Variants in ENO4 observed in about 807,000 individuals in gnomAD.
ENO4 encodes 2-phospho-D-glycerate hydro-lyase.
Under a neutral mutation model 63.2 loss-of-function variants are expected in ENO4, and 53 were observed. The ratio of observed to expected loss-of-function variants is 0.84; its 90% CI spans 0.67 to 1.05. ENO4 has a LOEUF of 1.05. ENO4 is among the 50% of genes least tolerant of loss of function. The pLI, the probability that ENO4 is intolerant of heterozygous loss-of-function variation, is 0.00. For synonymous variants in ENO4, 266 were observed against 283.8 expected (o/e 0.94, Z 0.63); for missense variants, 719 against 772.0 (o/e 0.93, Z 0.81).
chr10:116,860,207 C>A lies in ENO4; in HGVS notation c.635-587C>A, dbSNP rs117561545. Among the ~76,000 whole-genome samples the A allele has an allele frequency of 3.7e-4, 56 of 152,270 alleles. No homozygotes were observed. The East Asian group carries it at 8.9e-3, about 24-fold the overall frequency. ...CTAGAGATATATGATGGACTCTGTC[C>A]GGACCTCATGAGACAGGGAGGCTGA... On this transcript the variant is annotated intron_variant, in intron 4 of 13. Coordinates refer to ENST00000341276, the MANE Select transcript of ENO4 (RefSeq NM_001242699.2).
At chr10:116,891,724 A>C (rs1410804765) in intron 10 of ENO4, among the ~76,000 whole-genome samples, 2 of 151,904 alleles carry the variant, frequency 1.3e-5, no homozygotes, top group African/African-American at 4.8e-5. Context: ...ATTTTAATAC[A>C]CTTGTCCAAA....
intron 10 of ENO4, among the ~76,000 whole-genome samples, chr10:116,902,609 C>A (rs1192888754): frequency 2.6e-5 from 4 of 152,298 alleles, no homozygotes; most frequent in African/African-American, 9.6e-5. Context: ...GCATATCAAT[C>A]TAAAAATTCT....
chr10:116,903,087 C>T (rs1395466106), intron 10 of ENO4, among the ~76,000 whole-genome samples: 1 of 152,188 alleles, frequency 6.6e-6, no homozygotes, highest in Non-Finnish European at 1.5e-5. Context: ...TGTTGGACAC[C>T]TCTCTGAGCC....
Position 116,874,109 on chromosome 10 carries a change from T to C in ENO4, c.1249T>C (p.Tyr417His). The C allele has an allele frequency of 1.9e-6, 3 of 1,549,856 alleles. No individual in the cohort carries two copies. The highest frequency in any genetic ancestry group is 1.2e-5 in the South Asian group (1 of 83,968). ...AAAGTATGAAGTGATCATGGGCACA[T>C]ACAAAAATGCAGCGGAGATGGTTGA... The part of the protein sequence containing the change: ...KGKYEVIMGT[Y>H]KNAAEMVDLY... Residue 417 changes from tyrosine to histidine, a missense_variant, in exon 10 of 14, where the codon TAC becomes CAC. Coordinates refer to ENST00000341276, the MANE Select transcript of ENO4 (RefSeq NM_001242699.2).
intron 1 of ENO4, among the ~76,000 whole-genome samples, chr10:116,850,647 T>C (rs1335078504): frequency 2.0e-5 from 3 of 151,966 alleles, no homozygotes; most frequent in Non-Finnish European, 2.9e-5. Context: ...CCACGTCGTA[T>C]TGAGGCAGTT....
downstream of ENO4, chr10:116,884,514 G>C: frequency 3.1e-6 from 1 of 326,932 alleles, no homozygotes; most frequent in Admixed American, 4.1e-5. Flanking sequence ...CTAGAAAGGA[G>C]GGTATTTTGA....
chr10:116,900,399 G>T, intron 10 of ENO4: 1 of 734,226 alleles, frequency 1.4e-6, no homozygotes, highest in Non-Finnish European at 2.3e-6. Context: ...CCTTTTCACT[G>T]TCAATTCAAC....
chr10:116,911,936 T>C (rs556711641), downstream of ENO4: 23 of 882,884 alleles, frequency 2.6e-5, no homozygotes, highest in South Asian at 3.0e-4. Context: ...AGTAGCCTTA[T>C]ATTGGTAATA....
rs117152138 is a variant in ENO4 at position 116,888,521 on chromosome 10, G to C, written c.1194+8535G>C. Among the ~76,000 whole-genome samples, 474 of 152,294 alleles carry C rather than the reference G, an allele frequency of 3.1e-3. 3 individuals carry two copies. Among genetic ancestry groups the C allele is most frequent in the Non-Finnish European group, 5.1e-3 (345 of 68,024 alleles). On this transcript the variant is annotated intron_variant, in intron 10 of 10. Transcript: ENST00000369207. Reference sequence around the variant, plus strand: ...GAGGGAAGGCGGCTGTAAAGTGACAGAGACTGGGGACAAACTAGAGCTGCA... The same window carrying C: ...GAGGGAAGGCGGCTGTAAAGTGACACAGACTGGGGACAAACTAGAGCTGCA...
At position 116,874,075 on chromosome 10, in the gene ENO4, G is replaced by A. The variant is rs1162402435; in HGVS notation, c.1216-1G>A. On this transcript the variant is annotated splice_acceptor_variant, in intron 9 of 13. Transcript: ENST00000341276. LOFTEE classifies it high-confidence loss of function. The stretch of plus-strand genomic sequence containing the variant: ...TTTAATATTTTCCTGACACATATCA[G>A]AATAAAGGAAAGTATGAAGTGATCA... The A allele has an allele frequency of 6.5e-7, 1 of 1,541,718 alleles. No individual in the cohort carries two copies. Among genetic ancestry groups the A allele is most frequent in the African/African-American group, 1.4e-5 (1 of 72,918 alleles).
chr10:116,861,061 A>G lies in ENO4; in HGVS notation c.807A>G (p.Glu269=). 6.5e-7 allele frequency: 1 copy of G among 1,548,852 alleles called. No individual in the cohort carries two copies. The highest frequency in any genetic ancestry group is 8.7e-7 in the Non-Finnish European group (1 of 1,146,288). ...CCCTCGTTTTCCCCCTATTTCAGGA[A>G]CAGCCAACAACGCTATCTATGCCTT... The part of the protein sequence containing the change: ...LNIALLKHNQ[E]QPTTLSMPLL... Residue 269 remains glutamate, a splice_region_variant and synonymous_variant, in exon 6 of 14, where the codon GAA becomes GAG. Coordinates refer to ENST00000341276, the MANE Select transcript of ENO4 (RefSeq NM_001242699.2).
chr10:116,904,275 C>A (rs544923555), intron 10 of ENO4, among the ~76,000 whole-genome samples: 19 of 152,292 alleles, frequency 1.2e-4, no homozygotes, highest in African/African-American at 4.6e-4. Flanking sequence ...TTCTTGCTTA[C>A]TTTCCCCCCT....
chr10:116,879,174 T>C (rs1846926036), intron 11 of ENO4, 117 bp from the exon 12 acceptor site: 1 of 663,454 alleles, frequency 1.5e-6, no homozygotes, highest in South Asian at 2.2e-5. Context: ...GGTAGGCAAA[T>C]AATTGACTCT....
chr10:116,891,999 CTAT>C (rs1411941536), intron 10 of ENO4, among the ~76,000 whole-genome samples: 2 of 152,202 alleles, frequency 1.3e-5, no homozygotes, highest in African/African-American at 2.4e-5. Flanking sequence ...CAGAATACTA[CTAT>C]GTTTGAAAAT....
chr10:116,856,040 T>C (rs1410885708), intron 2 of ENO4, among the ~76,000 whole-genome samples: 1 of 152,250 alleles, frequency 6.6e-6, no homozygotes, highest in Non-Finnish European at 1.5e-5. Flanking sequence ...TGATAGGTTC[T>C]ATAAATCTAC....
rs970621411 is a variant in ENO4, at chr10:116,882,472, T to C, written c.*803T>C. 3 of 150,630 alleles carry C rather than the reference T, an allele frequency of 2.0e-5. No individual in the cohort carries two copies. Among genetic ancestry groups the C allele is most frequent in the Admixed American group, 2.0e-4 (3 of 15,132 alleles). 9.3% of individuals were successfully genotyped at this position (150,630 alleles called of 1,614,324 possible). On this transcript the variant is annotated 3_prime_UTR_variant, in exon 14 of 14. Transcript: ENST00000341276. ...CTTTTGTAAGCCAGTGTTGGGATTA[T>C]AGCAGAGGAGTAGCAGAAATAAATA...
chr10:116,880,892 G>A (rs1417365836), intron 13 of ENO4, among the ~76,000 whole-genome samples: 2 of 152,138 alleles, frequency 1.3e-5, no homozygotes, highest in African/African-American at 2.4e-5. Flanking sequence ...CTGCTGCAGG[G>A]CATCCAAAAG....
chr10:116,873,383 T>G (rs1242669488), intron 9 of ENO4, among the ~76,000 whole-genome samples: 1 of 152,118 alleles, frequency 6.6e-6, no homozygotes, highest in African/African-American at 2.4e-5. Flanking sequence ...TCCCTGAACA[T>G]AGACTTAAAA....
downstream of ENO4, among the ~76,000 whole-genome samples, chr10:116,887,337 G>A (rs1847197165): frequency 6.6e-6 from 1 of 152,170 alleles, no homozygotes; most frequent in Non-Finnish European, 1.5e-5. Context: ...AGATATCTCT[G>A]AAACACCCGA....
Sources: gnomAD v4.1 joint callset for allele counts (sites outside exome capture counted in the v4.1 genomes callset) on GRCh38, gnomAD v4.1.1 for gene constraint, MANE v1.5 for transcripts, NCBI Gene and HGNC (gene_info 2026-07-23, HGNC 2026-07-21) for gene names.